Variants in SPMIP7 observed in about 807,000 individuals in gnomAD.
SPMIP7 encodes protein SPMIP7.
chr7:50,105,934 C>T, the SPMIP7 span, among the ~76,000 whole-genome samples: 3 of 152,072 alleles, frequency 2.0e-5, no homozygotes, highest in African/African-American at 7.2e-5. Flanking sequence ...TTTAAAAAAC[C>T]TATGCTACAA....
the SPMIP7 span, chr7:50,117,250 T>C: frequency 2.5e-4 from 116 of 456,064 alleles, no homozygotes; most frequent in African/African-American, 2.3e-3. Flanking sequence ...TAGGAGTACT[T>C]ACCCAAAAAC....
At chr7:50,100,767 G>A in the SPMIP7 span, among the ~76,000 whole-genome samples, 25 of 151,338 alleles carry the variant, frequency 1.7e-4, no homozygotes, top group African/African-American at 2.4e-4. Flanking sequence ...AGCCGAGATC[G>A]TGCCACTGCA....
At chr7:50,153,762 C>A in the SPMIP7 span, among the ~76,000 whole-genome samples, 1 of 152,276 alleles carries the variant, frequency 6.6e-6, no homozygotes, top group South Asian at 2.1e-4. Flanking sequence ...AGGAGTGGGG[C>A]TTGGTCCCAC....
At chr7:50,143,809 C>T in the SPMIP7 span, among the ~76,000 whole-genome samples, 1 of 152,210 alleles carries the variant, frequency 6.6e-6, no homozygotes, top group Non-Finnish European at 1.5e-5. Flanking sequence ...ATACACACTT[C>T]TAATCTTGCT....
the SPMIP7 span, chr7:50,096,097 A>C: frequency 2.1e-5 from 31 of 1,476,434 alleles, no homozygotes; most frequent in Non-Finnish European, 2.3e-5. Context: ...TGGATGTAGA[A>C]ATTCAGGACA....
the SPMIP7 span, among the ~76,000 whole-genome samples, chr7:50,121,500 T>A: frequency 6.6e-6 from 1 of 152,188 alleles, no homozygotes; most frequent in Non-Finnish European, 1.5e-5. Flanking sequence ...AGACTATTTT[T>A]GTATGTCACT....
the SPMIP7 span, among the ~76,000 whole-genome samples, chr7:50,098,805 T>A: frequency 7.4e-5 from 11 of 147,772 alleles, no homozygotes; most frequent in Non-Finnish European, 1.5e-4. Flanking sequence ...CCAAATAACA[T>A]CACATTGGGA....
the SPMIP7 span, among the ~76,000 whole-genome samples, chr7:50,107,727 C>A: frequency 6.6e-6 from 1 of 152,114 alleles, no homozygotes; most frequent in Non-Finnish European, 1.5e-5. Context: ...GTGTTTATTT[C>A]TGATATCTCC....
the SPMIP7 span, among the ~76,000 whole-genome samples, chr7:50,123,162 C>T: frequency 1.1e-4 from 14 of 125,360 alleles, no homozygotes; most frequent in African/African-American, 2.9e-4. Context: ...GACTTGGAAC[C>T]AACCCAAATG....
chr7:50,136,675 T>A, the SPMIP7 span, among the ~76,000 whole-genome samples: 2 of 152,228 alleles, frequency 1.3e-5, no homozygotes, highest in Non-Finnish European at 2.9e-5. Flanking sequence ...TATTATATAG[T>A]TACTTTGTGT....
the SPMIP7 span, among the ~76,000 whole-genome samples, chr7:50,133,077 G>A: frequency 6.6e-6 from 1 of 152,100 alleles, no homozygotes; most frequent in Admixed American, 6.6e-5. Context: ...AGAAGGTCTG[G>A]GGATCCATCT....
At chr7:50,155,811 A>AGATGGCTGTCATC in the SPMIP7 span, among the ~76,000 whole-genome samples, 1 of 152,274 alleles carries the variant, frequency 6.6e-6, no homozygotes, top group African/African-American at 2.4e-5. Context: ...CATACTACAC[A>AGATGGCTGTCATC]CATGGCTGTC....
the SPMIP7 span, among the ~76,000 whole-genome samples, chr7:50,151,725 A>G: frequency 1.3e-5 from 2 of 152,322 alleles, no homozygotes; most frequent in South Asian, 4.1e-4. Flanking sequence ...CCATTTTCCT[A>G]CTGAGGGGAA....
chr7:50,134,273 G>A, the SPMIP7 span: 15 of 1,489,516 alleles, frequency 1.0e-5, no homozygotes, highest in East Asian at 2.8e-4. Flanking sequence ...GAACAATAAT[G>A]TATTTCTCAT....
At chr7:50,158,949 C>G in the SPMIP7 span, 7 of 1,312,276 alleles carry the variant, frequency 5.3e-6, no homozygotes, top group Non-Finnish European at 7.3e-6. Context: ...GCTCCCCTCC[C>G]CTTCCCGCAC....
At chr7:50,139,501 T>C in the SPMIP7 span, among the ~76,000 whole-genome samples, 2 of 152,252 alleles carry the variant, frequency 1.3e-5, no homozygotes, top group South Asian at 4.1e-4. Context: ...GGTATATTGG[T>C]ATTTTTAATT....
chr7:50,099,368 G>T, the SPMIP7 span, among the ~76,000 whole-genome samples: 2 of 152,282 alleles, frequency 1.3e-5, no homozygotes, highest in Middle Eastern at 3.4e-3. Context: ...ACGGTTTTCT[G>T]TGGGGTATGT....
At chr7:50,144,370 T>C in the SPMIP7 span, among the ~76,000 whole-genome samples, 6 of 152,180 alleles carry the variant, frequency 3.9e-5, no homozygotes, top group African/African-American at 1.4e-4. Flanking sequence ...TATGTACAAG[T>C]GTATTGTGTG....
the SPMIP7 span, among the ~76,000 whole-genome samples, chr7:50,110,287 C>T: frequency 6.6e-6 from 1 of 150,718 alleles, no homozygotes; most frequent in Admixed American, 6.6e-5. Context: ...TTAAAAGCGG[C>T]CAGAGGTGGG....
Sources: gnomAD v4.1 joint callset for allele counts (sites outside exome capture counted in the v4.1 genomes callset) on GRCh38, gnomAD v4.1.1 for gene constraint, MANE v1.5 for transcripts, NCBI Gene and HGNC (gene_info 2026-07-23, HGNC 2026-07-21) for gene names.